The following EIF4E variants were observed in gnomAD, a reference collection of about 807,000 sequenced individuals.
EIF4E encodes the protein eukaryotic translation initiation factor 4E.
For missense variants in EIF4E, 113 were observed against 265.6 expected (o/e 0.43, Z 3.99); for synonymous variants, 71 against 88.5 (o/e 0.80, Z 1.11).
intron 1 of EIF4E, among the ~76,000 whole-genome samples, chr4:98,910,752 CAG>C (rs1473756199): frequency 6.7e-6 from 1 of 149,308 alleles, no homozygotes; most frequent in Admixed American, 6.7e-5. Context: ...TTTTTTGAGA[CAG>C]ATTCTCACTC....
At chr4:98,881,228 T>C in intron 6 of EIF4E, 86 bp from the exon 7 acceptor site, 1 of 1,513,086 alleles carries the variant, frequency 6.6e-7, no homozygotes, top group Non-Finnish European at 8.8e-7. Context: ...GGGTTATTAG[T>C]CTTTATATTA....
At chr4:98,923,147 G>A (rs1345169175) in intron 1 of EIF4E, among the ~76,000 whole-genome samples, 8 of 150,714 alleles carry the variant, frequency 5.3e-5, no homozygotes, top group East Asian at 2.0e-4. Context: ...CACCACGCCC[G>A]GCCCATTTTC....
At chr4:98,917,300 A>T (rs1725430747) in intron 1 of EIF4E, among the ~76,000 whole-genome samples, 1 of 152,070 alleles carries the variant, frequency 6.6e-6, no homozygotes, top group Non-Finnish European at 1.5e-5. Context: ...AAAACAAGAT[A>T]CAGAGCAGCA....
intron 2 of EIF4E, among the ~76,000 whole-genome samples, chr4:98,893,730 G>A (rs532666670): frequency 2.0e-5 from 3 of 152,292 alleles, no homozygotes; most frequent in Non-Finnish European, 4.4e-5. Context: ...CATCAATACG[G>A]GTTGGAATCA....
In EIF4E at chr4:98,881,267, AAATT is replaced by A. The variant is rs2110171761; in HGVS notation, c.540-129_540-126del. 5.5e-6 allele frequency: 8 copies of A among 1,455,608 alleles called. No individual in the cohort carries two copies. In the South Asian group the frequency reaches 1.1e-4, roughly 20 times the overall value. The allele number at this position is 1,455,608 out of a possible 1,614,324, so 90.2% of individuals were successfully genotyped here. On this transcript the variant is annotated intron_variant, in intron 6 of 6. Coordinates refer to ENST00000450253, the MANE Select transcript of EIF4E (RefSeq NM_001968.5). ...AACATAGACTTGAGAATAAAATAGG[AAATT>A]AATTATACACCCTTTTCCTTTCAGC...
At position 98,893,963 on chromosome 4, in the gene EIF4E, G is replaced by A. The variant is rs965125172; in HGVS notation, c.126-2631C>T. Among the ~76,000 whole-genome samples, 7 of 152,152 alleles carry A rather than the reference G, an allele frequency of 4.6e-5. No homozygotes were observed. The South Asian group carries it at 8.3e-4, about 18-fold the overall frequency. ...AAAATTCCTCTTTGCTGCTCCATACGCTGCAGAAAGTACACTGTGTTAAGA... is the reference window on the plus strand; with the variant it reads ...AAAATTCCTCTTTGCTGCTCCATACACTGCAGAAAGTACACTGTGTTAAGA... On this transcript the variant is annotated intron_variant, in intron 2 of 6. Coordinates refer to ENST00000450253, the MANE Select transcript of EIF4E (RefSeq NM_001968.5).
At chr4:98,896,499 A>AAAAAC (rs1560640147) in intron 2 of EIF4E, among the ~76,000 whole-genome samples, 2 of 148,386 alleles carry the variant, frequency 1.3e-5, no homozygotes, top group African/African-American at 5.0e-5. Context: ...AAAAAAAAAA[A>AAAAAC]AAAAAAAAAA....
At chr4:98,900,313 C>T (rs17028238) in intron 2 of EIF4E, among the ~76,000 whole-genome samples, 9,257 of 152,204 alleles carry the variant, frequency 0.061, 406 homozygotes, top group East Asian at 0.19. Context: ...TGATGTCCCA[C>T]TAGCTGAGAA....
chr4:98,896,389 G>T (rs552123158), intron 2 of EIF4E, among the ~76,000 whole-genome samples: 175 of 149,804 alleles, frequency 1.2e-3, no homozygotes, highest in African/African-American at 4.0e-3. Context: ...GACAGGGATG[G>T]GGACAGGGAC....
At chr4:98,896,109 T>G (rs950088367) in intron 2 of EIF4E, among the ~76,000 whole-genome samples, 3 of 152,022 alleles carry the variant, frequency 2.0e-5, no homozygotes, top group African/African-American at 7.3e-5. Flanking sequence ...GGCAGGAGAA[T>G]CGCTTGAACC....
chr4:98,884,806 C>T, intron 6 of EIF4E, 116 bp downstream of exon 6: 1 of 1,404,888 alleles, frequency 7.1e-7, no homozygotes, highest in Non-Finnish European at 9.8e-7. Flanking sequence ...TTCACGAAAA[C>T]AATACAAGGA....
chr4:98,916,442 A>C (rs1382001810), intron 1 of EIF4E, among the ~76,000 whole-genome samples: 1 of 152,168 alleles, frequency 6.6e-6, no homozygotes, highest in African/African-American at 2.4e-5. Flanking sequence ...AACTGTTTCA[A>C]AGAGAAAAAA....
At chr4:98,893,969 G>C (rs996207489) in intron 2 of EIF4E, among the ~76,000 whole-genome samples, 2 of 152,220 alleles carry the variant, frequency 1.3e-5, no homozygotes, top group African/African-American at 2.4e-5. Context: ...ATACGCTGCA[G>C]AAAGTACACT....
intron 1 of EIF4E, chr4:98,926,313 C>G (rs2110230256): frequency 6.6e-6 from 1 of 152,402 alleles, no homozygotes; most frequent in Middle Eastern, 3.4e-3. Flanking sequence ...GAGGCCAAGA[C>G]GGGCGGATCA....
chr4:98,880,851 A>C lies in EIF4E; in HGVS notation c.*177T>G. 9.8e-7 allele frequency: 1 copy of C among 1,019,896 alleles called. No individual in the cohort carries two copies. The highest frequency in any genetic ancestry group is 1.8e-5 in the South Asian group (1 of 56,780). The allele number at this position is 1,019,896 out of a possible 1,614,324, so 63.2% of individuals were successfully genotyped here. Reference sequence around the variant, plus strand: ...AACTCTAGCCAAAAAAAAAAAAAAAAATGAACACAGAAGTACAAGACAAAG... The same window carrying C: ...AACTCTAGCCAAAAAAAAAAAAAAACATGAACACAGAAGTACAAGACAAAG... On this transcript the variant is annotated 3_prime_UTR_variant, in exon 7 of 7. Transcript: ENST00000450253.
intron 2 of EIF4E, among the ~76,000 whole-genome samples, chr4:98,892,066 G>A (rs1172918873): frequency 3.3e-5 from 5 of 152,140 alleles, no homozygotes; most frequent in African/African-American, 1.2e-4. Context: ...ACACAGCAGA[G>A]CTGGGCGCGG....
intron 5 of EIF4E, chr4:98,886,276 T>G (rs1170122416): frequency 4.1e-6 from 1 of 243,482 alleles, no homozygotes; most frequent in Non-Finnish European, 8.4e-6. Flanking sequence ...TCCTATAAGC[T>G]TGGGGTTTGG....
At chr4:98,921,921 CAATT>C in intron 1 of EIF4E, among the ~76,000 whole-genome samples, 1 of 152,300 alleles carries the variant, frequency 6.6e-6, no homozygotes, top group Non-Finnish European at 1.5e-5. Flanking sequence ...ACAAAGTTCT[CAATT>C]AGTTACTAAA....
intron 1 of EIF4E, among the ~76,000 whole-genome samples, chr4:98,927,124 C>T (rs1725904986): frequency 6.6e-6 from 1 of 152,128 alleles, no homozygotes; most frequent in South Asian, 2.1e-4. Context: ...CATACTTATT[C>T]TTCATTAGTG....
Sources: gnomAD v4.1 joint callset for allele counts (sites outside exome capture counted in the v4.1 genomes callset) on GRCh38, gnomAD v4.1.1 for gene constraint, MANE v1.5 for transcripts, NCBI Gene and HGNC (gene_info 2026-07-23, HGNC 2026-07-21) for gene names.